The following SH2D5 variants were observed in gnomAD, a reference collection of about 807,000 sequenced individuals.
SH2D5 encodes SH2 domain containing 5, also known as SH2 domain-containing protein 5.
In SH2D5, 45 loss-of-function variants were observed where a neutral mutation model predicts 48.2. The observed-to-expected ratio is 0.93, with a 90% CI of 0.73 to 1.20. The LOEUF is 1.20. Among genes scored for constraint, SH2D5 ranks in the 50% most tolerant of loss-of-function variants. The pLI, the probability that SH2D5 is intolerant of heterozygous loss-of-function variation, is 0.00. For synonymous variants in SH2D5, 230 were observed against 249.8 expected (o/e 0.92, Z 0.75); for missense variants, 538 against 584.1 (o/e 0.92, Z 0.81).
rs376872840 is a variant in SH2D5, at chr1:20,727,633, G to A, written c.88-30C>T. 2.5e-4 allele frequency: 396 copies of A among 1,581,010 alleles called. 1 individual carries two copies. In the African/African-American group the frequency reaches 4.9e-3, roughly 19 times the overall value. ...TCGGCAGTGGGGTGAAGGGAGTAAGGCGGGGAGTCAGGCCCGTGGCTCCTA... is the reference window on the plus strand; with the variant it reads ...TCGGCAGTGGGGTGAAGGGAGTAAGACGGGGAGTCAGGCCCGTGGCTCCTA... On this transcript the variant is annotated intron_variant, in intron 2 of 9. Coordinates refer to ENST00000444387, the MANE Select transcript of SH2D5 (RefSeq NM_001103161.2).
chr1:20,720,789 TG>T lies in SH2D5; in HGVS notation c.*1002del, dbSNP rs1184878032. The T allele has an allele frequency of 6.6e-6, 1 of 152,206 alleles. No homozygotes were observed. The highest frequency in any genetic ancestry group is 1.5e-5 in the Non-Finnish European group (1 of 68,056). The allele number at this position is 152,206 out of a possible 1,614,324, so 9.4% of individuals were successfully genotyped here. On this transcript the variant is annotated 3_prime_UTR_variant, in exon 10 of 10. Transcript: ENST00000444387. ...CTGCTGTGACTGACCCCATTCCCAGTGGGGCTGGCCTGGTGAGGCAAGGTGG... is the reference window on the plus strand; with the variant it reads ...CTGCTGTGACTGACCCCATTCCCAGTGGGCTGGCCTGGTGAGGCAAGGTGG...
Position 20,727,965 on chromosome 1 carries a change from A to G in SH2D5, c.80T>C (p.Phe27Ser). ...APHRPRCITK[F>S]AQYVGSFPVD... is the part of the protein sequence containing the mutation. ...CAGGGTGGCCCCACCCACCTGGGCA[A>G]ACTTGGTGATGCACCTGGGCCGGTG... The change falls in exon 2 of 10, where the codon TTT becomes TCT. Residue 27 changes from phenylalanine (F) to serine (S), a missense_variant. Transcript: ENST00000444387. The G allele has an allele frequency of 6.4e-7, 1 of 1,573,098 alleles. No individual in the cohort carries two copies.
At chr1:20,724,670 G>A (rs1299240151) in intron 5 of SH2D5, 35 bp from the exon 6 acceptor site, 1 of 1,500,462 alleles carries the variant, frequency 6.7e-7, no homozygotes. Context: ...CTCAGCTGGA[G>A]GAGGTCTCCA....
Position 20,730,233 on chromosome 1 carries a change from G to A in SH2D5, c.-43+1948C>T, listed in dbSNP as rs571383957. 7.3e-5 allele frequency among the ~76,000 whole-genome samples: 11 copies of A among 149,806 alleles called. No homozygotes were observed. In the South Asian group the frequency reaches 1.0e-3, roughly 14 times the overall value. ...GACAGAGGCAGGAACAGAGAAGGGCGAGAAAGACAAAGCAAAAGAGAGAAA... is the reference window on the plus strand; with the variant it reads ...GACAGAGGCAGGAACAGAGAAGGGCAAGAAAGACAAAGCAAAAGAGAGAAA... On this transcript the variant is annotated intron_variant, in intron 1 of 9. Coordinates refer to ENST00000444387, the MANE Select transcript of SH2D5 (RefSeq NM_001103161.2).
Position 20,724,498 on chromosome 1 carries a change from C to T in SH2D5, c.528G>A (p.Gly176=). 3 of 1,612,716 alleles carry T rather than the reference C, an allele frequency of 1.9e-6. No homozygotes were observed. The highest frequency in any genetic ancestry group is 2.5e-6 in the Non-Finnish European group (3 of 1,179,830). Residue 176 remains glycine (G), a synonymous_variant, in exon 6 of 10, where the codon GGG becomes GGA. Coordinates refer to ENST00000444387, the MANE Select transcript of SH2D5 (RefSeq NM_001103161.2). Reference sequence around the variant, plus strand: ...GGCCGAAGGGCTCCCGCACCAGGCCCCCAGAGCTGGACAGTGGCTTCAGGG... The same window carrying T: ...GGCCGAAGGGCTCCCGCACCAGGCCTCCAGAGCTGGACAGTGGCTTCAGGG... The part of the protein sequence containing the change: ...EVPLKPLSSS[G]GLVREPFGRD...
rs902593915 is a variant in SH2D5 at position 20,728,670 on chromosome 1, C to A, written c.-42-584G>T. Among the ~76,000 whole-genome samples, 1 of 152,186 alleles carries A rather than the reference C, an allele frequency of 6.6e-6. No individual in the cohort carries two copies. Among genetic ancestry groups the A allele is most frequent in the Admixed American group, 6.5e-5 (1 of 15,290 alleles). On this transcript the variant is annotated intron_variant, in intron 1 of 9. Transcript: ENST00000444387. This position sits in a 1 kb window ranked among gnomAD's most constrained non-coding sequence, Gnocchi z 4.3. ...CAAAGGAAGGCAGGCAGTGGGGGCC[C>A]GCAGGCCGACCTCAGCCCTTATCAG...
At position 20,724,430 on chromosome 1, in the gene SH2D5, C is replaced by G. The variant is rs770826663; in HGVS notation, c.596G>C (p.Arg199Pro). 2 of 1,612,914 alleles carry G rather than the reference C, an allele frequency of 1.2e-6. No individual in the cohort carries two copies. Among genetic ancestry groups the G allele is most frequent in the Non-Finnish European group, 1.7e-6 (2 of 1,180,002 alleles). ...SQNVHALVSF[R>P]RLPAEGLVGS... Reference sequence around the variant, plus strand: ...CACCAGCCCCTCTGCTGGCAGCCGCCGAAAGGAGACCAGGGCATGGACGTT... The same window carrying G: ...CACCAGCCCCTCTGCTGGCAGCCGCGGAAAGGAGACCAGGGCATGGACGTT... The change falls in exon 6 of 10, where the codon CGG (arginine) becomes CCG (proline). Residue 199 changes from arginine to proline, a missense_variant. Coordinates refer to ENST00000444387, the MANE Select transcript of SH2D5 (RefSeq NM_001103161.2).
At position 20,726,844 on chromosome 1, in the gene SH2D5, C is replaced by G. The variant is rs981726639; in HGVS notation, c.243+157G>C. Among the ~76,000 whole-genome samples the G allele has an allele frequency of 2.6e-5, 4 of 151,966 alleles. No individual in the cohort carries two copies. The Middle Eastern group carries it at 0.014, about 517-fold the overall frequency. The stretch of plus-strand genomic sequence containing the variant: ...GGAGGAGGCGGCCCCTGGTGCAAAT[C>G]CAAAGGCCCAGAGCAGGTAGGCTGG... On this transcript the variant is annotated intron_variant, in intron 4 of 9. Transcript: ENST00000444387.
rs866767998 is a variant in SH2D5 at position 20,729,670 on chromosome 1, C to T, written c.-42-1584G>A. 3.1e-4 allele frequency among the ~76,000 whole-genome samples: 47 copies of T among 152,126 alleles called. No homozygotes were observed. Among genetic ancestry groups the T allele is most frequent in the African/African-American group, 1.1e-3 (44 of 41,428 alleles). On this transcript the variant is annotated intron_variant, in intron 1 of 9. Transcript: ENST00000444387. The surrounding 1 kb of genome is among the most constrained non-coding windows in gnomAD (Gnocchi z 4.2). Reference sequence around the variant, plus strand: ...AGCCCTGGGCAGCAACGACGGGTCCCGGGTGTGCTCCCACTCAAGGAGGAG... The same window carrying T: ...AGCCCTGGGCAGCAACGACGGGTCCTGGGTGTGCTCCCACTCAAGGAGGAG...
Position 20,722,928 on chromosome 1 carries a change from A to AG in SH2D5, c.909-14dup, listed in dbSNP as rs756324030. On this transcript the variant is annotated splice_polypyrimidine_tract_variant and intron_variant, in intron 8 of 9. Transcript: ENST00000444387. ...CAGGGCACAGGGCCTAGGAGCACAGAGGGGAGAGAGTAAAGGCTGGACTGC... is the reference window on the plus strand; with the variant it reads ...CAGGGCACAGGGCCTAGGAGCACAGAGGGGGAGAGAGTAAAGGCTGGACTGC... 45 of 1,554,852 alleles carry AG rather than the reference A, an allele frequency of 2.9e-5. No homozygotes were observed. The highest frequency in any genetic ancestry group is 3.7e-5 in the Non-Finnish European group (43 of 1,148,722).
At chr1:20,722,163 C>T (rs2054699976) in intron 9 of SH2D5, among the ~76,000 whole-genome samples, 168 bp from the exon 10 acceptor site, 1 of 152,192 alleles carries the variant, frequency 6.6e-6, no homozygotes, top group Non-Finnish European at 1.5e-5. Context: ...TCTCTCTCTT[C>T]CCAGCCTGGA....
At position 20,719,813 on chromosome 1, in the gene SH2D5, G is replaced by A. The variant is rs1342063582; in HGVS notation, c.*1979C>T. The A allele has an allele frequency of 6.6e-6, 1 of 152,230 alleles. No homozygotes were observed. Among genetic ancestry groups the A allele is most frequent in the Admixed American group, 6.5e-5 (1 of 15,276 alleles). 9.4% of individuals were successfully genotyped at this position (152,230 alleles called of 1,614,324 possible). ...GAGGTGGCGCAGATTGGAACAAAGA[G>A]AAAACTGTGGTCTCTGATTAAGACA... On this transcript the variant is annotated 3_prime_UTR_variant, in exon 10 of 10. Coordinates refer to ENST00000444387, the MANE Select transcript of SH2D5 (RefSeq NM_001103161.2).
At chr1:20,724,368 C>T (rs997337477) in intron 6 of SH2D5, 28 bp downstream of exon 6, 1 of 1,608,904 alleles carries the variant, frequency 6.2e-7, no homozygotes, top group African/African-American at 1.3e-5. Context: ...TTGTCCACTG[C>T]CCACTCCTTG....
In SH2D5 at chr1:20,720,748, C is replaced by T. The variant is rs2054668837; in HGVS notation, c.*1044G>A. 6.6e-6 allele frequency: 1 copy of T among 152,258 alleles called. No individual in the cohort carries two copies. Among genetic ancestry groups the T allele is most frequent in the Non-Finnish European group, 1.5e-5 (1 of 68,058 alleles). 9.4% of individuals were successfully genotyped at this position (152,258 alleles called of 1,614,324 possible). Reference sequence around the variant, plus strand: ...GCCCCCGGCAGGGCCCACATCAGGTCCACCTTTCGACGGTTCTGCTGTGAC... The same window carrying T: ...GCCCCCGGCAGGGCCCACATCAGGTTCACCTTTCGACGGTTCTGCTGTGAC... On this transcript the variant is annotated 3_prime_UTR_variant, in exon 10 of 10. Coordinates refer to ENST00000444387, the MANE Select transcript of SH2D5 (RefSeq NM_001103161.2).
rs754707626 is a variant in SH2D5 at position 20,723,696 on chromosome 1, C to T, written c.838G>A (p.Gly280Ser). 1 of 1,613,096 alleles carries T rather than the reference C, an allele frequency of 6.2e-7. No homozygotes were observed. The highest frequency in any genetic ancestry group is 1.7e-5 in the Admixed American group (1 of 60,016). Residue 280 changes from glycine (G) to serine (S), a missense_variant, in exon 8 of 10, where the codon GGC becomes AGC. Coordinates refer to ENST00000444387, the MANE Select transcript of SH2D5 (RefSeq NM_001103161.2). The stretch of plus-strand genomic sequence containing the variant: ...TCGCTCTCCACCAGGCACGAGTGGC[C>T]ACCAGGACCCCGGGGCCATGCCTCC... Reference protein sequence around the residue: ...AWEAWPRGPGGHSCLVESEGS... With the variant: ...AWEAWPRGPGSHSCLVESEGS...
rs2054851066 is a variant in SH2D5, at chr1:20,728,526, G to T, written c.-42-440C>A. On this transcript the variant is annotated intron_variant, in intron 1 of 9. Coordinates refer to ENST00000444387, the MANE Select transcript of SH2D5 (RefSeq NM_001103161.2). The surrounding 1 kb of genome is among the most constrained non-coding windows in gnomAD (Gnocchi z 4.3). ...GGGCTGGGGCCTGCCCCAGGGGCTG[G>T]TTACAGGAAGACCTGTAACCAGATT... 6.6e-6 allele frequency among the ~76,000 whole-genome samples: 1 copy of T among 152,140 alleles called. No homozygotes were observed. The highest frequency in any genetic ancestry group is 6.5e-5 in the Admixed American group (1 of 15,284).
Position 20,720,254 on chromosome 1 carries a change from G to A in SH2D5, c.*1538C>T, listed in dbSNP as rs1352915268. On this transcript the variant is annotated 3_prime_UTR_variant, in exon 10 of 10. Coordinates refer to ENST00000444387, the MANE Select transcript of SH2D5 (RefSeq NM_001103161.2). ...AGTGCTGGGTTTCCAGTGAAAAGAA[G>A]TCCCAAAGGGCAGTTCCTTCTATCT... 6.6e-6 allele frequency: 1 copy of A among 152,308 alleles called. No individual in the cohort carries two copies. The highest frequency in any genetic ancestry group is 1.5e-5 in the Non-Finnish European group (1 of 68,090). The allele number at this position is 152,308 out of a possible 1,614,324, so 9.4% of individuals were successfully genotyped here. A position where few individuals can be genotyped will look rare whatever the true frequency, so the allele number is the denominator to read the frequency against.
Position 20,727,546 on chromosome 1 carries a change from G to A in SH2D5, c.145C>T (p.Gln49Ter), listed in dbSNP as rs1282297952. The A allele has an allele frequency of 6.2e-7, 1 of 1,607,350 alleles. No individual in the cohort carries two copies. Among genetic ancestry groups the A allele is most frequent in the Non-Finnish European group, 8.5e-7 (1 of 1,177,810 alleles). ...ACCTTCAGCGCCCACAGCTGCTGCT[G>A]CACCAGCCACACGCTCTCCTGGGTG... The part of the protein sequence containing the change: ...LDTQESVWLV[Q>*]QQLWALKDCP... Residue 49 changes from glutamine (Q) to a stop codon, truncating the protein, a stop_gained, in exon 3 of 10, where the codon CAG (glutamine) becomes TAG (stop). Transcript: ENST00000444387. LOFTEE classifies it high-confidence loss of function.
At chr1:20,722,707 A>C (rs1249342377) in intron 9 of SH2D5, 49 bp downstream of exon 9, 1 of 1,407,812 alleles carries the variant, frequency 7.1e-7, no homozygotes. Context: ...CCAGGGATGG[A>C]GCCAATGATG....
Sources: allele counts gnomAD v4.1 joint callset (sites outside exome capture counted in the v4.1 genomes callset), GRCh38; gene constraint gnomAD v4.1.1; non-coding constraint Gnocchi (gnomAD v3.1); transcripts MANE v1.5; gene names NCBI Gene and HGNC (gene_info 2026-07-23, HGNC 2026-07-21).